COL6A3: variants seen among roughly 807,000 people sequenced by gnomAD.
COL6A3 encodes collagen alpha-3(VI) chain.
A neutral mutation model predicts 274.1 loss-of-function variants in COL6A3; 137 were observed. That is an observed-to-expected ratio of 0.50 (90% CI 0.44 to 0.58). COL6A3 has a LOEUF of 0.58. COL6A3 is among the 20% of genes least tolerant of loss of function. The pLI is 0.00. For synonymous variants in COL6A3, 1,650 were observed against 1,650.6 expected (o/e 1.00, Z 0.01); for missense variants, 3,950 against 4,124.9 (o/e 0.96, Z 1.16).
chr2:237,344,182 G>C lies in COL6A3; in HGVS notation c.7668+168C>G, dbSNP rs1317522615. 1 of 979,060 alleles carries C rather than the reference G, an allele frequency of 1.0e-6. No individual in the cohort carries two copies. Among genetic ancestry groups the C allele is most frequent in the African/African-American group, 1.6e-5 (1 of 62,834 alleles). The allele number at this position is 979,060 out of a possible 1,614,324, so 60.6% of individuals were successfully genotyped here. On this transcript the variant is annotated intron_variant, in intron 36 of 43. Transcript: ENST00000295550. This position sits in a 1 kb window ranked among gnomAD's most constrained non-coding sequence, Gnocchi z 4.8. ...GGCGTCCCTGTAGTGCTGGAGCCAC[G>C]AGGTTGTCCTGGAGACCTCACAAGA...
intron 1 of COL6A3, among the ~76,000 whole-genome samples, chr2:237,397,341 GGGAA>G (rs1301664940): frequency 4.1e-5 from 6 of 145,572 alleles, no homozygotes; most frequent in East Asian, 2.0e-4. Flanking sequence ...GAGGGAAGGA[GGGAA>G]GGAAGGAAGG....
At chr2:237,362,953 G>A (rs2077470020) in intron 14 of COL6A3, among the ~76,000 whole-genome samples, 1 of 152,192 alleles carries the variant, frequency 6.6e-6, no homozygotes, top group South Asian at 2.1e-4. Context: ...TTGCATCCCT[G>A]CAATGGTGTT....
chr2:237,377,155 T>C lies in COL6A3; in HGVS notation c.2687A>G (p.Lys896Arg), dbSNP rs752424230. 6.2e-7 allele frequency: 1 copy of C among 1,614,240 alleles called. No homozygotes were observed. Among genetic ancestry groups the C allele is most frequent in the South Asian group, 1.1e-5 (1 of 91,080 alleles). The change falls in exon 7 of 44, where the codon AAG (lysine) becomes AGG (arginine). Residue 896 changes from lysine (K) to arginine (R), a missense_variant. Physicochemically the swap from Lys to Arg is conservative, Grantham distance 26. Coordinates refer to ENST00000295550, the MANE Select transcript of COL6A3 (RefSeq NM_004369.4). Reference protein sequence around the residue: ...VESRFDEHQSKPEILNLVKRM... With the variant: ...VESRFDEHQSRPEILNLVKRM... ...CTTCACAAGATTCAGGATCTCAGGC[T>C]TACTCTGGTGCTCATCAAAACGGGA... is the stretch of plus-strand genomic sequence containing the variant.
At chr2:237,366,584 C>A (rs1165516312) in intron 11 of COL6A3, 103 bp downstream of exon 11, 2 of 1,577,690 alleles carry the variant, frequency 1.3e-6, no homozygotes, top group Non-Finnish European at 8.7e-7. Flanking sequence ...ATGAAGCAAC[C>A]AAATGCCTAA....
Position 237,336,220 on chromosome 2 carries a change from TGCA to T in COL6A3, c.8877_8879del (p.Ala2960del), listed in dbSNP as rs35879189. 0.11 allele frequency: 174,573 copies of T among 1,613,878 alleles called. 10,585 individuals are homozygous for T. The highest frequency in any genetic ancestry group is 0.12 in the Non-Finnish European group (145,997 of 1,179,938). ...CCTCAGGCTTGGTCGCCACTGGTTT[TGCA>T]GCAGCAGCAGCGGGGGGTCTTACAG... On this transcript the variant is annotated inframe_deletion, in exon 40 of 44. Coordinates refer to ENST00000295550, the MANE Select transcript of COL6A3 (RefSeq NM_004369.4).
rs770214487 is a variant in COL6A3, at chr2:237,340,543, G to T, written c.8373C>A (p.Asn2791Lys). ...KEVYTFASEP[N>K]DVFFKLVDKS... The stretch of plus-strand genomic sequence containing the variant: ...TGTCCACTAATTTGAAGAAGACGTC[G>T]TTTGGCTCACTGGCGAAGGTGTATA... Residue 2791 changes from asparagine to lysine, a missense_variant, in exon 38 of 44, where the codon AAC (asparagine) becomes AAA (lysine). Physicochemically the swap from Asn to Lys is moderately conservative, Grantham distance 94 (BLOSUM62 0). Coordinates refer to ENST00000295550, the MANE Select transcript of COL6A3 (RefSeq NM_004369.4). The T allele has an allele frequency of 1.2e-6, 2 of 1,614,170 alleles. No individual in the cohort carries two copies. The highest frequency in any genetic ancestry group is 2.2e-5 in the South Asian group (2 of 91,074).
chr2:237,335,909 A>C (rs946164999), intron 40 of COL6A3, among the ~76,000 whole-genome samples: 2 of 152,144 alleles, frequency 1.3e-5, no homozygotes. Context: ...CATTCCAGAG[A>C]GAATGAGAGC....
Position 237,369,139 on chromosome 2 carries a change from C to A in COL6A3, c.4324G>T (p.Asp1442Tyr). 6.2e-7 allele frequency: 1 copy of A among 1,613,606 alleles called. No homozygotes were observed. Among genetic ancestry groups the A allele is most frequent in the South Asian group, 1.1e-5 (1 of 91,068 alleles). The change falls in exon 10 of 44, where the codon GAC (aspartate) becomes TAC (tyrosine). Residue 1442 changes from aspartate (D) to tyrosine (Y), a missense_variant. This residue lies in a region of COL6A3 where 1,934 missense variants were observed against 1,984.3 expected (regional missense o/e 0.97). Transcript: ENST00000295550. ...TCTGGCCTAACTCCCTCAGAGCTGT[C>A]GATCAGAAAGACAATGTCTGCAGCA... ...SDAADIVFLI[D>Y]SSEGVRPDGF...
rs772958681 is a variant in COL6A3 at position 237,364,721 on chromosome 2, CAT to C, written c.5839-295_5839-294del. Among the ~76,000 whole-genome samples the C allele has an allele frequency of 4.6e-5, 7 of 151,382 alleles. No individual in the cohort carries two copies. The highest frequency in any genetic ancestry group is 7.4e-5 in the Non-Finnish European group (5 of 67,724). On this transcript the variant is annotated intron_variant, in intron 12 of 43. Coordinates refer to ENST00000295550, the MANE Select transcript of COL6A3 (RefSeq NM_004369.4). This position sits in a 1 kb window ranked among gnomAD's most constrained non-coding sequence, Gnocchi z 4.6. ...AGATGTAGTTTCTGCGAATCATATG[CAT>C]ATGTGTGCATGCATGTGTGCGTGCA...
chr2:237,372,224 C>T lies in COL6A3; in HGVS notation c.3793G>A (p.Gly1265Ser). The change falls in exon 9 of 44, where the codon GGC becomes AGC. Residue 1265 changes from glycine (G) to serine (S), a missense_variant. Gly to Ser is a moderately conservative substitution (Grantham distance 56). This residue lies in a region of COL6A3 where 1,934 missense variants were observed against 1,984.3 expected (regional missense o/e 0.97). Transcript: ENST00000295550. Reference sequence around the variant, plus strand: ...ACAGCCACCCGGGTGGTGTCAAAGCCCACGTCCAGGTAGTCAACCAGCCTC... The same window carrying T: ...ACAGCCACCCGGGTGGTGTCAAAGCTCACGTCCAGGTAGTCAACCAGCCTC... ...IERLVDYLDV[G>S]FDTTRVAVIQ... 6.2e-7 allele frequency: 1 copy of T among 1,614,074 alleles called. No individual in the cohort carries two copies. Among genetic ancestry groups the T allele is most frequent in the Non-Finnish European group, 8.5e-7 (1 of 1,180,022 alleles).
chr2:237,401,197 C>T (rs939522941), intron 1 of COL6A3, among the ~76,000 whole-genome samples: 3 of 152,158 alleles, frequency 2.0e-5, no homozygotes, highest in African/African-American at 7.2e-5. Context: ...CCTCAAAAAA[C>T]TGAAAACAGA....
In COL6A3 at chr2:237,377,166, C is replaced by T; in HGVS notation, c.2676G>A (p.Glu892=). The part of the protein sequence containing the change: ...DDVKVESRFD[E]HQSKPEILNL... ...TCAGGATCTCAGGCTTACTCTGGTG[C>T]TCATCAAAACGGGACTCCACCTTGA... The change falls in exon 7 of 44, where the codon GAG becomes GAA. Residue 892 remains glutamate, a synonymous_variant. Coordinates refer to ENST00000295550, the MANE Select transcript of COL6A3 (RefSeq NM_004369.4). 1 of 1,614,186 alleles carries T rather than the reference C, an allele frequency of 6.2e-7. No individual in the cohort carries two copies. The highest frequency in any genetic ancestry group is 1.1e-5 in the South Asian group (1 of 91,074).
intron 30 of COL6A3, among the ~76,000 whole-genome samples, 180 bp downstream of exon 30, chr2:237,348,169 A>G (rs981745527): frequency 1.3e-5 from 2 of 152,232 alleles, no homozygotes; most frequent in African/African-American, 4.8e-5. Flanking sequence ...AGTACGTATT[A>G]TGACCTCCAC....
At chr2:237,380,360 CAT>C (rs1263753087) in intron 5 of COL6A3, among the ~76,000 whole-genome samples, 2 of 152,218 alleles carry the variant, frequency 1.3e-5, no homozygotes, top group Non-Finnish European at 2.9e-5. Flanking sequence ...CACTGGCAAT[CAT>C]ATTAAATGAG....
chr2:237,368,705 G>A lies in COL6A3; in HGVS notation c.4758C>T (p.Ile1586=). 6.2e-7 allele frequency: 1 copy of A among 1,614,134 alleles called. No homozygotes were observed. The highest frequency in any genetic ancestry group is 8.5e-7 in the Non-Finnish European group (1 of 1,180,016). Residue 1586 remains isoleucine, a synonymous_variant, in exon 10 of 44, where the codon ATC becomes ATT. Coordinates refer to ENST00000295550, the MANE Select transcript of COL6A3 (RefSeq NM_004369.4). This position sits in a 1 kb window ranked among gnomAD's most constrained non-coding sequence, Gnocchi z 4.4. ...RNIDRTELQT[I]TNDPRLVFTV... ...TGAAGACCAGTCTGGGGTCATTGGTGATGGTCTGCAGCTCTGTTCTGTCGA... is the reference window on the plus strand; with the variant it reads ...TGAAGACCAGTCTGGGGTCATTGGTAATGGTCTGCAGCTCTGTTCTGTCGA...
In COL6A3 at chr2:237,344,224, T is replaced by C; in HGVS notation, c.7668+126A>G. ...CTCACAAGAGAAGTTCTCAGGCAGATGGCCTCATTGGGGACGTTTTAGGAG... is the reference window on the plus strand; with the variant it reads ...CTCACAAGAGAAGTTCTCAGGCAGACGGCCTCATTGGGGACGTTTTAGGAG... On this transcript the variant is annotated intron_variant, in intron 36 of 43. Coordinates refer to ENST00000295550, the MANE Select transcript of COL6A3 (RefSeq NM_004369.4). The surrounding 1 kb of genome is among the most constrained non-coding windows in gnomAD (Gnocchi z 4.8). The C allele has an allele frequency of 7.0e-7, 1 of 1,421,724 alleles. No homozygotes were observed. Among genetic ancestry groups the C allele is most frequent in the Non-Finnish European group, 9.9e-7 (1 of 1,014,192 alleles). The allele number at this position is 1,421,724 out of a possible 1,614,324, so 88.1% of individuals were successfully genotyped here.
Position 237,340,512 on chromosome 2 carries a change from T to C in COL6A3, c.8404A>G (p.Thr2802Ala). Residue 2802 changes from threonine to alanine, a missense_variant, in exon 38 of 44, where the codon ACC (threonine) becomes GCC (alanine). Coordinates refer to ENST00000295550, the MANE Select transcript of COL6A3 (RefSeq NM_004369.4). Reference sequence around the variant, plus strand: ...ATCAAAGGCTCCTCGTTGAGCTCGGTGGACTTGTCCACTAATTTGAAGAAG... The same window carrying C: ...ATCAAAGGCTCCTCGTTGAGCTCGGCGGACTTGTCCACTAATTTGAAGAAG... ...DVFFKLVDKSTELNEEPLMRF... is the reference protein window; with the variant it reads ...DVFFKLVDKSAELNEEPLMRF... The C allele has an allele frequency of 6.2e-7, 1 of 1,614,072 alleles. No homozygotes were observed. Among genetic ancestry groups the C allele is most frequent in the South Asian group, 1.1e-5 (1 of 91,072 alleles).
intron 40 of COL6A3, 92 bp from the exon 41 acceptor site, chr2:237,334,981 AACAG>A: frequency 6.7e-7 from 1 of 1,483,668 alleles, no homozygotes; most frequent in East Asian, 2.3e-5. Flanking sequence ...GGGATGTGTT[AACAG>A]ACAAATTGAC....
intron 4 of COL6A3, 35 bp downstream of exon 4, chr2:237,387,547 C>T (rs778484878): frequency 5.0e-6 from 8 of 1,613,578 alleles, no homozygotes; most frequent in Non-Finnish European, 6.8e-6. Context: ...CACAACACCC[C>T]ACTCCCACAC....
Sources: allele counts gnomAD v4.1 joint callset (sites outside exome capture counted in the v4.1 genomes callset), GRCh38; gene constraint gnomAD v4.1.1; regional missense constraint gnomAD v4.1.1; non-coding constraint Gnocchi (gnomAD v3.1); transcripts MANE v1.5; gene names NCBI Gene and HGNC (gene_info 2026-07-23, HGNC 2026-07-21).